PGM2L1: variants seen among roughly 807,000 people sequenced by gnomAD.
The protein encoded by PGM2L1 is glucose 1,6-bisphosphate synthase.
Under a neutral mutation model 73.4 loss-of-function variants are expected in PGM2L1, and 35 were observed. The ratio of observed to expected loss-of-function variants is 0.48; its 90% confidence interval spans 0.36 to 0.63. PGM2L1 has a LOEUF of 0.63. PGM2L1 is among the 30% of genes least tolerant of loss of function. The probability of loss-of-function intolerance (pLI) is 0.00; values close to 1 mark genes in which losing one functional copy is unlikely to be tolerated. For synonymous variants in PGM2L1, 225 were observed against 253.8 expected, an observed-to-expected ratio of 0.89 and a Z score of 1.08; for missense variants, 570 against 742.0, an observed-to-expected ratio of 0.77 and a Z score of 2.69.
chr11:74,384,668 GTTGT>G (rs1555102365), intron 1 of PGM2L1, among the ~76,000 whole-genome samples: 7 of 152,006 alleles, frequency 4.6e-5, no homozygotes, highest in Non-Finnish European at 5.9e-5. Context: ...TGTTGTTGTT[GTTGT>G]TTGTTTGTTT....
rs1341445111 is a variant in PGM2L1 at position 74,333,635 on chromosome 11, T to C, written c.*3017A>G. The C allele has an allele frequency of 1.3e-5, 2 of 152,174 alleles. No individual in the cohort carries two copies. Among genetic ancestry groups the C allele is most frequent in the Non-Finnish European group, 2.9e-5 (2 of 68,026 alleles). 9.4% of individuals were successfully genotyped at this position (152,174 alleles called of 1,614,324 possible). A position where few individuals can be genotyped will look rare whatever the true frequency, so the allele number is the denominator to read the frequency against. ...TTTTAGTGATCACAATAAAGGAAAA[T>C]GGTAGGTGCATACTCATCATAACAA... On this transcript the variant is annotated 3_prime_UTR_variant, in exon 14 of 14. Coordinates refer to ENST00000298198, the MANE Select transcript of PGM2L1 (RefSeq NM_173582.6).
intron 5 of PGM2L1, chr11:74,355,102 G>C: frequency 7.8e-7 from 1 of 1,280,310 alleles, no homozygotes; most frequent in South Asian, 1.2e-5. Flanking sequence ...TTTGGTTGTG[G>C]AGGAAACTTC....
At chr11:74,359,821 G>A (rs968564087) in intron 5 of PGM2L1, among the ~76,000 whole-genome samples, 1 of 152,116 alleles carries the variant, frequency 6.6e-6, no homozygotes, top group African/African-American at 2.4e-5. Flanking sequence ...ACTGTACTAG[G>A]GGACAGAGAT....
chr11:74,376,220 T>G (rs1040786010), intron 1 of PGM2L1, among the ~76,000 whole-genome samples: 1 of 152,158 alleles, frequency 6.6e-6, no homozygotes, highest in African/African-American at 2.4e-5. Flanking sequence ...TTATTAATAT[T>G]ACTATTGTGT....
Position 74,342,977 on chromosome 11 carries a change from C to A in PGM2L1, c.1350G>T (p.Gly450=). The A allele has an allele frequency of 1.9e-6, 3 of 1,608,240 alleles. No homozygotes were observed. Among genetic ancestry groups the A allele is most frequent in the Non-Finnish European group, 2.5e-6 (3 of 1,177,852 alleles). Residue 450 remains glycine, a synonymous_variant, in exon 11 of 14, where the codon GGG becomes GGT. Coordinates refer to ENST00000298198, the MANE Select transcript of PGM2L1 (RefSeq NM_173582.6). ...CAGCAACCACAACAGCTGCACTCAC[C>A]CCATCTTTATCCAAAACTGAAGTTC... is the stretch of plus-strand genomic sequence containing the variant. ...LCGTSVLDKD[G]VSAAVVVAEM...
At chr11:74,362,385 T>C (rs1862578122) in intron 5 of PGM2L1, among the ~76,000 whole-genome samples, 2 of 152,120 alleles carry the variant, frequency 1.3e-5, no homozygotes, top group Admixed American at 1.3e-4. Context: ...CAAGAGCTCC[T>C]GAAGGAAGCA....
intron 5 of PGM2L1, among the ~76,000 whole-genome samples, chr11:74,361,764 T>C (rs1349930260): frequency 6.6e-6 from 1 of 152,156 alleles, no homozygotes; most frequent in African/African-American, 2.4e-5. Context: ...CAAGCTTCAG[T>C]AGCCCATTTG....
At chr11:74,343,481 C>G (rs578411) in intron 9 of PGM2L1, 65 bp from the exon 10 acceptor site, 12 of 1,572,228 alleles carry the variant, frequency 7.6e-6, no homozygotes, top group African/African-American at 4.1e-5. Context: ...AGAGAAAAAT[C>G]TGCCACTACA....
chr11:74,364,215 C>T (rs116264332), intron 5 of PGM2L1, among the ~76,000 whole-genome samples: 4,914 of 152,188 alleles, frequency 0.032, 267 homozygotes, highest in African/African-American at 0.11. Flanking sequence ...GGATGTATTT[C>T]GAAATAATAA....
intron 1 of PGM2L1, among the ~76,000 whole-genome samples, chr11:74,394,665 C>T (rs1182448917): frequency 6.6e-6 from 1 of 152,172 alleles, no homozygotes; most frequent in Non-Finnish European, 1.5e-5. Flanking sequence ...TCTTAATACA[C>T]ACATTAAAAT....
At chr11:74,348,238 T>G (rs1862298876) in intron 6 of PGM2L1, among the ~76,000 whole-genome samples, 1 of 152,212 alleles carries the variant, frequency 6.6e-6, no homozygotes. Context: ...ATCTAGTCTC[T>G]GTTTCTTTGG....
rs1253418351 is a variant in PGM2L1 at position 74,331,042 on chromosome 11, A to C, written c.*5610T>G. On this transcript the variant is annotated 3_prime_UTR_variant, in exon 14 of 14. Coordinates refer to ENST00000298198, the MANE Select transcript of PGM2L1 (RefSeq NM_173582.6). ...AAATCCCTTAATTCCTAGTATCAGC[A>C]ATTAAACACTCTATAACAGGTACTG... 6.6e-6 allele frequency: 1 copy of C among 152,184 alleles called. No homozygotes were observed. The highest frequency in any genetic ancestry group is 1.5e-5 in the Non-Finnish European group (1 of 68,036). The allele number at this position is 152,184 out of a possible 1,614,324, so 9.4% of individuals were successfully genotyped here. A position where few individuals can be genotyped will look rare whatever the true frequency, so the allele number is the denominator to read the frequency against.
chr11:74,397,745 A>ATTTT (rs71065081), intron 1 of PGM2L1: 74,089 of 149,370 alleles, frequency 0.5, 22,140 homozygotes, highest in Non-Finnish European at 0.65. Context: ...AATGATGATG[A>ATTTT]TTTTTTTTTT....
In PGM2L1 at chr11:74,332,480, A is replaced by G. The variant is rs539322323; in HGVS notation, c.*4172T>C. ...TATGACTAAGCTTAAAGCATTCTGA[A>G]TGAATACAGTTGAGATTTCTTATCA... On this transcript the variant is annotated 3_prime_UTR_variant, in exon 14 of 14. Coordinates refer to ENST00000298198, the MANE Select transcript of PGM2L1 (RefSeq NM_173582.6). 2 of 152,790 alleles carry G rather than the reference A, an allele frequency of 1.3e-5. No individual in the cohort carries two copies. The highest frequency in any genetic ancestry group is 1.3e-4 in the Admixed American group (2 of 15,310). The allele number at this position is 152,790 out of a possible 1,614,324, so 9.5% of individuals were successfully genotyped here. A position where few individuals can be genotyped will look rare whatever the true frequency, so the allele number is the denominator to read the frequency against.
At chr11:74,370,798 A>T in intron 4 of PGM2L1, 104 bp downstream of exon 4, 2 of 931,378 alleles carry the variant, frequency 2.1e-6, no homozygotes, top group Non-Finnish European at 3.2e-6. Flanking sequence ...CCCTTATATT[A>T]CTCAATACAG....
At chr11:74,339,531 T>G (rs1862152214) in intron 12 of PGM2L1, among the ~76,000 whole-genome samples, 1 of 152,152 alleles carries the variant, frequency 6.6e-6, no homozygotes, top group African/African-American at 2.4e-5. Flanking sequence ...CACAGAGATC[T>G]TCCCTTCTTT....
Position 74,335,039 on chromosome 11 carries a change from T to C in PGM2L1, c.*1613A>G, listed in dbSNP as rs1272873611. ...CTGCCTCAGCCTCCCAAAGCGCTGG[T>C]ATTACAGATGTGAGCCACCAAGCCC... On this transcript the variant is annotated 3_prime_UTR_variant, in exon 14 of 14. Coordinates refer to ENST00000298198, the MANE Select transcript of PGM2L1 (RefSeq NM_173582.6). 6.7e-6 allele frequency: 1 copy of C among 148,464 alleles called. No individual in the cohort carries two copies. The highest frequency in any genetic ancestry group is 1.5e-5 in the Non-Finnish European group (1 of 66,892). 9.2% of individuals were successfully genotyped at this position (148,464 alleles called of 1,614,324 possible). A position where few individuals can be genotyped will look rare whatever the true frequency, so the allele number is the denominator to read the frequency against.
chr11:74,356,859 G>A (rs767720530), intron 5 of PGM2L1, among the ~76,000 whole-genome samples: 1 of 151,748 alleles, frequency 6.6e-6, no homozygotes, highest in Non-Finnish European at 1.5e-5. Context: ...TTCAGATGGA[G>A]TTTCGGTCTT....
At chr11:74,379,405 G>A (rs1191347036) in intron 1 of PGM2L1, among the ~76,000 whole-genome samples, 3 of 151,862 alleles carry the variant, frequency 2.0e-5, no homozygotes, top group Non-Finnish European at 4.4e-5. Flanking sequence ...ATTTCAACAT[G>A]AGATTTACAG....
Sources: gnomAD v4.1 joint callset for allele counts (sites outside exome capture counted in the v4.1 genomes callset) on GRCh38, gnomAD v4.1.1 for gene constraint, MANE v1.5 for transcripts, NCBI Gene and HGNC (gene_info 2026-07-23, HGNC 2026-07-21) for gene names.